The following SYNRG variants were observed in gnomAD, a reference collection of about 807,000 sequenced individuals.
SYNRG encodes the protein synergin gamma.
Under a neutral mutation model 130.9 loss-of-function variants are expected in SYNRG, and 37 were observed. That is an observed-to-expected ratio of 0.28 (90% confidence interval 0.22 to 0.37). The LOEUF (loss-of-function observed/expected upper bound fraction) is 0.37. Ranked by LOEUF, SYNRG falls within the 10% of genes least tolerant of loss-of-function variation. The pLI is 1.00. For synonymous variants in SYNRG, 539 were observed against 568.1 expected, an observed-to-expected ratio of 0.95 and a Z score of 0.73; for missense variants, 1,338 against 1,588.9, an observed-to-expected ratio of 0.84 and a Z score of 2.68.
chr17:37,583,581 T>G (rs2061488033), intron 6 of SYNRG, among the ~76,000 whole-genome samples: 1 of 152,226 alleles, frequency 6.6e-6, no homozygotes, highest in East Asian at 1.9e-4. Context: ...CAATGCAACA[T>G]TTTCCAGCAG....
chr17:37,560,228 A>T (rs2145623696), intron 13 of SYNRG, among the ~76,000 whole-genome samples: 1 of 152,044 alleles, frequency 6.6e-6, no homozygotes, highest in East Asian at 1.9e-4. Context: ...AATTTTAGAA[A>T]ATAAATAATT....
intron 19 of SYNRG, among the ~76,000 whole-genome samples, chr17:37,522,003 T>C (rs1449789274): frequency 2.6e-5 from 4 of 152,056 alleles, no homozygotes; most frequent in African/African-American, 9.7e-5. Context: ...GGTGGTTGGA[T>C]ACACATACAG....
intron 17 of SYNRG, chr17:37,538,896 G>T: frequency 1.9e-6 from 1 of 517,966 alleles, no homozygotes; most frequent in Non-Finnish European, 2.5e-6. Flanking sequence ...ACCCAGCCAA[G>T]ACAGGTTCTT....
intron 1 of SYNRG, 193 bp from the exon 2 acceptor site, chr17:37,600,596 A>G (rs558737745): frequency 1.8e-5 from 13 of 702,814 alleles, no homozygotes; most frequent in Non-Finnish European, 2.9e-5. Context: ...GCAGACGGAA[A>G]CTTGTTGAAA....
At chr17:37,544,284 A>G (rs1349963464) in intron 14 of SYNRG, among the ~76,000 whole-genome samples, 1 of 152,140 alleles carries the variant, frequency 6.6e-6, no homozygotes, top group East Asian at 1.9e-4. Flanking sequence ...AACAGAAGGA[A>G]AAAACGACTC....
Position 37,536,089 on chromosome 17 carries a change from G to C in SYNRG, c.3556C>G (p.Leu1186Val). Reference sequence around the variant, plus strand: ...CACACTGCAGTGGCTTTTATCCCCAGCTCCACACGCTTGGTTACCCTGTAC... The same window carrying C: ...CACACTGCAGTGGCTTTTATCCCCACCTCCACACGCTTGGTTACCCTGTAC... ...EVYRVTKRVE[L>V]GIKATAVCSE... The change falls in exon 19 of 22, where the codon CTG (leucine) becomes GTG (valine). Residue 1186 changes from leucine (L) to valine (V), a missense_variant. Coordinates refer to ENST00000612223, the MANE Select transcript of SYNRG (RefSeq NM_007247.6). 2 of 1,613,974 alleles carry C rather than the reference G, an allele frequency of 1.2e-6. No homozygotes were observed. The highest frequency in any genetic ancestry group is 1.7e-6 in the Non-Finnish European group (2 of 1,179,972).
At chr17:37,600,695 G>C (rs2063195417) in intron 1 of SYNRG, 1 of 511,274 alleles carries the variant, frequency 2.0e-6, no homozygotes, top group Non-Finnish European at 3.5e-6. Context: ...AAATGAGAGA[G>C]TTTAGATTCA....
At chr17:37,573,264 G>A (rs765103734) in intron 8 of SYNRG, among the ~76,000 whole-genome samples, 6 of 152,032 alleles carry the variant, frequency 3.9e-5, no homozygotes, top group Admixed American at 6.6e-5. Flanking sequence ...TTAGCCAGGC[G>A]TGGTGGTGCA....
chr17:37,607,755 C>T (rs1274081610), intron 1 of SYNRG, among the ~76,000 whole-genome samples: 1 of 152,040 alleles, frequency 6.6e-6, no homozygotes, highest in Non-Finnish European at 1.5e-5. Flanking sequence ...TGCCACTGCA[C>T]TCTAGCCTGG....
At chr17:37,601,600 A>G (rs543817784) in intron 1 of SYNRG, among the ~76,000 whole-genome samples, 20 of 152,278 alleles carry the variant, frequency 1.3e-4, no homozygotes, top group African/African-American at 4.6e-4. Context: ...CCATTAAACA[A>G]TAAGTCCTCA....
At chr17:37,606,884 G>GT (rs1252930746) in intron 1 of SYNRG, among the ~76,000 whole-genome samples, 2 of 151,666 alleles carry the variant, frequency 1.3e-5, no homozygotes, top group East Asian at 1.9e-4. Flanking sequence ...GAAGTTGCCT[G>GT]TTTTTTTTCT....
intron 8 of SYNRG, among the ~76,000 whole-genome samples, chr17:37,572,537 G>A (rs1408214272): frequency 6.6e-6 from 1 of 152,182 alleles, no homozygotes; most frequent in African/African-American, 2.4e-5. Flanking sequence ...CTAGAGGTAA[G>A]ACAAAGTCTT....
At chr17:37,545,239 A>G (rs1037055547) in intron 14 of SYNRG, among the ~76,000 whole-genome samples, 34 of 151,522 alleles carry the variant, frequency 2.2e-4, no homozygotes, top group Admixed American at 2.2e-3. Context: ...AAATAATAAT[A>G]ATAATAATTA....
At chr17:37,529,440 A>C (rs911572562) in intron 19 of SYNRG, among the ~76,000 whole-genome samples, 6 of 151,728 alleles carry the variant, frequency 4.0e-5, no homozygotes, top group Non-Finnish European at 4.4e-5. Flanking sequence ...CTATATCTTG[A>C]TAGAGGCATG....
chr17:37,552,217 C>A (rs2058761964), intron 14 of SYNRG, among the ~76,000 whole-genome samples: 1 of 152,098 alleles, frequency 6.6e-6, no homozygotes, highest in Admixed American at 6.6e-5. Flanking sequence ...TAGAATAATA[C>A]AGTGATACTG....
At chr17:37,539,327 G>A in intron 16 of SYNRG, 82 bp from the exon 17 acceptor site, 1 of 1,428,898 alleles carries the variant, frequency 7.0e-7, no homozygotes, top group Non-Finnish European at 9.7e-7. Context: ...CAAAGTGCTT[G>A]GAGGACTTTC....
rs1299797944 is a variant in SYNRG, at chr17:37,571,859, G to T, written c.1030C>A (p.Arg344=). Residue 344 remains arginine (R), a synonymous_variant, in exon 9 of 22, where the codon CGA becomes AGA. Transcript: ENST00000612223. ...TTTGTAAGTTTGCCAGGTGTAGTTC[G>T]ATTAGCTAAGGCCCATATCTGTCCA... The part of the protein sequence containing the change: ...TLGQIWALAN[R]TTPGKLTKEE... 2.5e-6 allele frequency: 4 copies of T among 1,613,628 alleles called. No homozygotes were observed. In the South Asian group the frequency reaches 4.4e-5, roughly 18 times the overall value.
At chr17:37,541,286 G>A in intron 15 of SYNRG, 1 of 983,836 alleles carries the variant, frequency 1.0e-6, no homozygotes, top group East Asian at 1.1e-4. Flanking sequence ...AGCAGAAGAG[G>A]CAAACTCAAA....
intron 19 of SYNRG, among the ~76,000 whole-genome samples, chr17:37,529,538 CA>C (rs3049513): frequency 0.45 from 55,233 of 124,104 alleles, 10,854 homozygotes; most frequent in South Asian, 0.6. Flanking sequence ...ATATATTTTA[CA>C]AAAAAAAAAA....
Sources: allele counts gnomAD v4.1 joint callset (sites outside exome capture counted in the v4.1 genomes callset), GRCh38; gene constraint gnomAD v4.1.1; transcripts MANE v1.5; gene names NCBI Gene and HGNC (gene_info 2026-07-23, HGNC 2026-07-21).